Variants in NREP observed in about 807,000 individuals in gnomAD.
NREP encodes the protein neuronal regeneration related protein.
Under a neutral mutation model 8.6 loss-of-function variants are expected in NREP, and 5 were observed. The ratio of observed to expected loss-of-function variants is 0.58; its 90% CI spans 0.30 to 1.22. NREP has a LOEUF of 1.22. Among genes scored for constraint, NREP ranks in the 50% most tolerant of loss-of-function variants. The probability of loss-of-function intolerance (pLI) is 0.07; values close to 1 mark genes in which losing one functional copy is unlikely to be tolerated. For synonymous variants in NREP, 27 were observed against 28.0 expected, an observed-to-expected ratio of 0.96 and a Z score of 0.11; for missense variants, 86 against 82.5, an observed-to-expected ratio of 1.04 and a Z score of -0.17.
At chr5:111,801,705 A>C (rs974149487) in intron 2 of NREP, among the ~76,000 whole-genome samples, 5 of 152,250 alleles carry the variant, frequency 3.3e-5, no homozygotes, top group African/African-American at 1.2e-4. Context: ...TTACAGGTTA[A>C]ATATGCTTAT....
intron 2 of NREP, chr5:111,974,243 G>A (rs1756900605): frequency 6.6e-6 from 1 of 152,170 alleles, no homozygotes; most frequent in African/African-American, 2.4e-5. Flanking sequence ...AATTAATAGA[G>A]GTGGGCTTGC....
At chr5:111,757,646 C>G (rs1471017749), upstream of NREP, 1 of 983,036 alleles carries the variant, frequency 1.0e-6, no homozygotes, top group Non-Finnish European at 1.2e-6. Context: ...GCGCCCCGGG[C>G]GCCCCGCTCG....
In NREP at chr5:111,731,162, T is replaced by C. The variant is rs1581017115; in HGVS notation, c.82-116A>G. The C allele has an allele frequency of 1.9e-5, 20 of 1,066,916 alleles. No individual in the cohort carries two copies. The East Asian group carries it at 4.9e-4, about 26-fold the overall frequency. 66.1% of individuals were successfully genotyped at this position (1,066,916 alleles called of 1,614,324 possible). The stretch of plus-strand genomic sequence containing the variant: ...TCCTGCCCAGCCCACATTATACCCT[T>C]GAACTCTTGCTGTTTTGCAAAACAG... On this transcript the variant is annotated intron_variant, in intron 3 of 3. Transcript: ENST00000257435.
chr5:111,765,871 T>C (rs957230016), intron 2 of NREP, among the ~76,000 whole-genome samples: 1 of 152,204 alleles, frequency 6.6e-6, no homozygotes, highest in Non-Finnish European at 1.5e-5. Flanking sequence ...AAATGGTTCT[T>C]CAGGCAGAAC....
At chr5:111,749,714 T>G (rs1750233956) in intron 2 of NREP, among the ~76,000 whole-genome samples, 1 of 152,092 alleles carries the variant, frequency 6.6e-6, no homozygotes, top group Admixed American at 6.5e-5. Context: ...GCATGATCTT[T>G]CTATCGGGGA....
upstream of NREP, chr5:111,757,614 C>T (rs3733994): frequency 2.0e-6 from 2 of 983,238 alleles, no homozygotes; most frequent in African/African-American, 1.8e-5. Context: ...AACAGGCGCG[C>T]GCGCCCCGAC....
At chr5:111,753,370 T>C (rs939447722) in intron 2 of NREP, among the ~76,000 whole-genome samples, 6 of 147,732 alleles carry the variant, frequency 4.1e-5, no homozygotes, top group African/African-American at 1.5e-4. Context: ...ATATATGATA[T>C]GTAGATATAT....
intron 2 of NREP, among the ~76,000 whole-genome samples, chr5:111,769,469 T>C (rs1041877976): frequency 1.3e-5 from 2 of 152,198 alleles, no homozygotes; most frequent in African/African-American, 4.8e-5. Flanking sequence ...AAGCGGTATT[T>C]AGGCAAGGCC....
chr5:111,787,171 T>C (rs1341362111), intron 2 of NREP, among the ~76,000 whole-genome samples: 1 of 152,170 alleles, frequency 6.6e-6, no homozygotes, highest in Non-Finnish European at 1.5e-5. Flanking sequence ...CCCAACAGGT[T>C]GTATTCTCTG....
In NREP at chr5:111,972,526, C is replaced by G. The variant is rs572319888; in HGVS notation, c.135+2748G>C. 2.0e-5 allele frequency among the ~76,000 whole-genome samples: 3 copies of G among 152,162 alleles called. No individual in the cohort carries two copies. In the South Asian group the frequency reaches 6.2e-4, roughly 32 times the overall value. Reference sequence around the variant, plus strand: ...TTATTTTTTAATTATTTACTGACAACATTTACTGCCTTAGTGGCAGCAGTT... The same window carrying G: ...TTATTTTTTAATTATTTACTGACAAGATTTACTGCCTTAGTGGCAGCAGTT... On this transcript the variant is annotated intron_variant, in intron 2 of 3. Transcript: ENST00000395634.
intron 2 of NREP, among the ~76,000 whole-genome samples, chr5:111,938,190 C>A (rs1755734931): frequency 6.6e-6 from 1 of 151,994 alleles, no homozygotes; most frequent in Non-Finnish European, 1.5e-5. Flanking sequence ...GACTTCTGCC[C>A]CCTGCTGCAC....
intron 2 of NREP, among the ~76,000 whole-genome samples, chr5:111,736,253 G>A (rs929492132): frequency 2.6e-5 from 4 of 152,138 alleles, no homozygotes; most frequent in Admixed American, 2.6e-4. Flanking sequence ...CAGCTCTAAG[G>A]AAGAACTCAG....
At chr5:111,846,799 G>A (rs1052657519) in intron 2 of NREP, among the ~76,000 whole-genome samples, 10 of 152,226 alleles carry the variant, frequency 6.6e-5, no homozygotes, top group African/African-American at 2.4e-4. Context: ...TTGTTTACCA[G>A]ATTTCTTTCA....
intron 2 of NREP, among the ~76,000 whole-genome samples, chr5:111,786,637 G>A (rs1201280879): frequency 6.6e-6 from 1 of 152,110 alleles, no homozygotes; most frequent in African/African-American, 2.4e-5. Flanking sequence ...GGATATGTCA[G>A]GTATTCAATG....
At chr5:111,930,515 A>T (rs1371375194) in intron 2 of NREP, among the ~76,000 whole-genome samples, 1 of 152,132 alleles carries the variant, frequency 6.6e-6, no homozygotes, top group Non-Finnish European at 1.5e-5. Context: ...GAGCTGCTAA[A>T]GGGCTCCCTA....
chr5:111,914,829 T>A (rs989862923), intron 2 of NREP, among the ~76,000 whole-genome samples: 1 of 152,152 alleles, frequency 6.6e-6, no homozygotes, highest in Non-Finnish European at 1.5e-5. Context: ...CTTAGGTTGT[T>A]AGAAAAGCTT....
At chr5:111,908,680 T>C (rs920999381) in intron 2 of NREP, among the ~76,000 whole-genome samples, 1 of 152,074 alleles carries the variant, frequency 6.6e-6, no homozygotes. Flanking sequence ...CCTCTGTTGA[T>C]GGGCACCTTG....
At chr5:111,838,477 A>G (rs1752948966) in intron 2 of NREP, among the ~76,000 whole-genome samples, 1 of 152,164 alleles carries the variant, frequency 6.6e-6, no homozygotes, top group East Asian at 1.9e-4. Flanking sequence ...GTTAACATTT[A>G]CAAACACTTT....
intron 2 of NREP, among the ~76,000 whole-genome samples, chr5:111,884,799 A>G (rs1754193842): frequency 6.6e-6 from 1 of 152,222 alleles, no homozygotes; most frequent in South Asian, 2.1e-4. Context: ...AACTCTCAAT[A>G]AATTAGGTTT....
Sources: allele counts gnomAD v4.1 joint callset (sites outside exome capture counted in the v4.1 genomes callset), GRCh38; gene constraint gnomAD v4.1.1; transcripts MANE v1.5; gene names NCBI Gene and HGNC (gene_info 2026-07-23, HGNC 2026-07-21).